Variants in NLN observed in about 807,000 individuals in gnomAD.
NLN encodes the protein neurolysin, mitochondrial.
A neutral mutation model predicts 79.9 loss-of-function variants in NLN; 64 were observed. The ratio of observed to expected loss-of-function variants is 0.80; its 90% CI spans 0.65 to 0.99. The LOEUF is 0.99. Among genes scored for constraint, NLN ranks in the 50% least tolerant of loss-of-function variants. The probability of loss-of-function intolerance (pLI) is 0.00; values close to 1 mark genes in which losing one functional copy is unlikely to be tolerated. For synonymous variants in NLN, 267 were observed against 296.6 expected (o/e 0.90, Z 1.02); for missense variants, 835 against 858.7 (o/e 0.97, Z 0.34).
Position 65,758,578 on chromosome 5 carries a change from C to G in NLN, c.53C>G (p.Ser18Cys). Residue 18 changes from serine to cysteine, a missense_variant, in exon 2 of 13, where the codon TCC (serine) becomes TGC (cysteine). Physicochemically the swap from Ser to Cys is moderately radical, Grantham distance 112 (BLOSUM62 -1). Coordinates refer to ENST00000380985, the MANE Select transcript of NLN (RefSeq NM_020726.5). Reference sequence around the variant, plus strand: ...CTGATTCTTTTTAGAGTTGGTGGTTCCAGGATTTTACTCAGAATGACGTTA... The same window carrying G: ...CTGATTCTTTTTAGAGTTGGTGGTTGCAGGATTTTACTCAGAATGACGTTA... The part of the protein sequence containing the change: ...AVRSLRRVGG[S>C]RILLRMTLGR... 6.2e-7 allele frequency: 1 copy of G among 1,606,838 alleles called. No homozygotes were observed. The highest frequency in any genetic ancestry group is 8.5e-7 in the Non-Finnish European group (1 of 1,173,958).
At chr5:65,806,852 T>C (rs1760423220) in intron 9 of NLN, among the ~76,000 whole-genome samples, 1 of 152,146 alleles carries the variant, frequency 6.6e-6, no homozygotes, top group Non-Finnish European at 1.5e-5. Context: ...ATTCAGTCCA[T>C]TGATATGGCA....
At chr5:65,796,178 T>C (rs1425812785) in intron 9 of NLN, among the ~76,000 whole-genome samples, 1 of 152,204 alleles carries the variant, frequency 6.6e-6, no homozygotes, top group East Asian at 1.9e-4. Context: ...ATCACATTTA[T>C]TAAGATAATA....
intron 1 of NLN, among the ~76,000 whole-genome samples, chr5:65,750,066 G>A (rs975099358): frequency 2.6e-5 from 4 of 152,164 alleles, no homozygotes; most frequent in Admixed American, 1.3e-4. Context: ...CCTAGTTTGC[G>A]AGTGGAAAGG....
intron 5 of NLN, among the ~76,000 whole-genome samples, 157 bp downstream of exon 5, chr5:65,780,438 G>A (rs576291468): frequency 2.0e-5 from 3 of 152,040 alleles, no homozygotes; most frequent in African/African-American, 7.2e-5. Context: ...CCCTTCTACA[G>A]AAGAGACAAT....
chr5:65,725,846 C>T (rs1465773381), intron 1 of NLN, among the ~76,000 whole-genome samples: 1 of 152,188 alleles, frequency 6.6e-6, no homozygotes, highest in Non-Finnish European at 1.5e-5. Flanking sequence ...GGCACGGTGG[C>T]TCACGCCTGT....
At chr5:65,780,786 G>T (rs1458890194) in intron 5 of NLN, among the ~76,000 whole-genome samples, 1 of 152,128 alleles carries the variant, frequency 6.6e-6, no homozygotes, top group Admixed American at 6.5e-5. Context: ...CAATTCTCTT[G>T]CCTCAGCCTC....
In NLN at chr5:65,722,358, G is replaced by C. The variant is rs946620518; in HGVS notation, c.-16G>C. On this transcript the variant is annotated 5_prime_UTR_variant, in exon 1 of 13. Coordinates refer to ENST00000380985, the MANE Select transcript of NLN (RefSeq NM_020726.5). ...AAGGACCACGCGCCCGCCGCCGCCA[G>C]CCTCTCAGCGCTCCCATGATCGCCC... The C allele has an allele frequency of 6.4e-7, 1 of 1,562,878 alleles. No homozygotes were observed. Among genetic ancestry groups the C allele is most frequent in the East Asian group, 2.5e-5 (1 of 39,706 alleles).
chr5:65,794,845 A>G (rs1579956826), intron 9 of NLN, among the ~76,000 whole-genome samples: 2 of 152,138 alleles, frequency 1.3e-5, no homozygotes, highest in Admixed American at 1.3e-4. Flanking sequence ...ATTCATTTCC[A>G]AAATAATTCT....
At chr5:65,755,441 T>A (rs965352495) in intron 1 of NLN, among the ~76,000 whole-genome samples, 3 of 152,206 alleles carry the variant, frequency 2.0e-5, no homozygotes, top group Non-Finnish European at 4.4e-5. Context: ...ATATAAGTAG[T>A]ATGAATTCAG....
chr5:65,748,844 C>A (rs941848126), intron 1 of NLN, among the ~76,000 whole-genome samples: 3 of 152,152 alleles, frequency 2.0e-5, no homozygotes, highest in African/African-American at 7.2e-5. Context: ...GATTATGGAA[C>A]TTTAGACAGG....
intron 9 of NLN, among the ~76,000 whole-genome samples, chr5:65,808,741 G>T (rs900773504): frequency 2.0e-5 from 3 of 151,868 alleles, no homozygotes; most frequent in Non-Finnish European, 4.4e-5. Flanking sequence ...TCCAACTTTT[G>T]AATACATCCG....
chr5:65,724,014 A>G (rs538745014), intron 1 of NLN, among the ~76,000 whole-genome samples: 1 of 152,168 alleles, frequency 6.6e-6, no homozygotes, highest in South Asian at 2.1e-4. Flanking sequence ...TAGGTGCATA[A>G]ATAGTGATTT....
At chr5:65,729,653 C>T (rs1182590920) in intron 1 of NLN, among the ~76,000 whole-genome samples, 7 of 152,148 alleles carry the variant, frequency 4.6e-5, no homozygotes, top group Middle Eastern at 3.2e-3. Context: ...GGATTACAGG[C>T]GTGAACCACC....
Position 65,792,515 on chromosome 5 carries a change from G to A in NLN, c.1387G>A (p.Gly463Arg), listed in dbSNP as rs1470195360. ...GLQPGCLLPD[G>R]SRMMAVAALV... ...CCAGCCTGGCTGCCTTCTGCCTGAT[G>A]GAAGCCGGATGATGGCAGTGGCTGC... The change falls in exon 9 of 13, where the codon GGA becomes AGA. Residue 463 changes from glycine to arginine, a missense_variant. Transcript: ENST00000380985. 1 of 1,614,138 alleles carries A rather than the reference G, an allele frequency of 6.2e-7. No homozygotes were observed. Among genetic ancestry groups the A allele is most frequent in the Admixed American group, 1.7e-5 (1 of 60,024 alleles).
rs368427814 is a variant in NLN at position 65,810,098 on chromosome 5, A to G, written c.1776A>G (p.Thr592=). 1.2e-5 allele frequency: 20 copies of G among 1,613,744 alleles called. No individual in the cohort carries two copies. In the African/African-American group the frequency reaches 1.5e-4, roughly 12 times the overall value. The part of the protein sequence containing the change: ...SKVDQSLHTN[T]SLDAASEYAK... ...TTGATCAGTCTCTTCATACCAACAC[A>G]TCGCTGGATGCTGCAAGTGAATATG... is the stretch of plus-strand genomic sequence containing the variant. The change falls in exon 11 of 13, where the codon ACA becomes ACG. Residue 592 remains threonine (T), a synonymous_variant. Coordinates refer to ENST00000380985, the MANE Select transcript of NLN (RefSeq NM_020726.5).
chr5:65,813,179 A>C (rs62370064), intron 12 of NLN, among the ~76,000 whole-genome samples: 16,102 of 152,144 alleles, frequency 0.11, 1,040 homozygotes, highest in Admixed American at 0.21. Flanking sequence ...AAATACATTG[A>C]TGTGATTTAG....
chr5:65,802,001 T>C lies in NLN; in HGVS notation c.1528-7514T>C, dbSNP rs1760295080. Among the ~76,000 whole-genome samples, 3 of 152,210 alleles carry C rather than the reference T, an allele frequency of 2.0e-5. No homozygotes were observed. In the South Asian group the frequency reaches 6.2e-4, roughly 31 times the overall value. On this transcript the variant is annotated intron_variant, in intron 9 of 12. Transcript: ENST00000380985. ...CATATGGTGGTGGCTGATGGTGTGA[T>C]TTGGCCTTTATTTGCTGTTAGTACC...
chr5:65,758,662 A>G lies in NLN; in HGVS notation c.137A>G (p.Asn46Ser), dbSNP rs1759274967. ...TCTTCCTATACTGTGGCTGGCAGAA[A>G]TGTTTTAAGATGGGATCTTTCACCA... The part of the protein sequence containing the change: ...AMSSYTVAGR[N>S]VLRWDLSPEQ... The change falls in exon 2 of 13, where the codon AAT (asparagine) becomes AGT (serine). Residue 46 changes from asparagine (N) to serine (S), a missense_variant. Coordinates refer to ENST00000380985, the MANE Select transcript of NLN (RefSeq NM_020726.5). 1 of 1,613,654 alleles carries G rather than the reference A, an allele frequency of 6.2e-7. No homozygotes were observed. The highest frequency in any genetic ancestry group is 1.3e-5 in the African/African-American group (1 of 74,902).
chr5:65,761,659 A>G (rs1759344025), intron 2 of NLN, among the ~76,000 whole-genome samples: 1 of 152,228 alleles, frequency 6.6e-6, no homozygotes, highest in Non-Finnish European at 1.5e-5. Context: ...GTGCTGTATT[A>G]AATTTCAAAA....
Sources: gnomAD v4.1 joint callset for allele counts (sites outside exome capture counted in the v4.1 genomes callset) on GRCh38, gnomAD v4.1.1 for gene constraint, MANE v1.5 for transcripts, NCBI Gene and HGNC (gene_info 2026-07-23, HGNC 2026-07-21) for gene names.